Variants in TAF2 observed in about 807,000 individuals in gnomAD.
TAF2 encodes transcription initiation factor TFIID subunit 2.
A neutral mutation model predicts 138.5 loss-of-function variants in TAF2; 61 were observed. The observed-to-expected ratio is 0.44, with a 90% CI of 0.36 to 0.54. The LOEUF is 0.54. Ranked by LOEUF, TAF2 falls within the 20% of genes least tolerant of loss-of-function variation. The probability of loss-of-function intolerance (pLI) is 0.00; values close to 1 mark genes in which losing one functional copy is unlikely to be tolerated. For missense variants in TAF2, 1,090 were observed against 1,427.9 expected (o/e 0.76, Z 3.81); for synonymous variants, 475 against 469.9 (o/e 1.01, Z -0.14).
At chr8:119,801,724 T>C (rs934325192) in intron 6 of TAF2, 70 bp downstream of exon 6, 1 of 1,488,922 alleles carries the variant, frequency 6.7e-7, no homozygotes, top group African/African-American at 1.4e-5. Flanking sequence ...CACCGTGCCT[T>C]GCCAATATCT....
In TAF2 at chr8:119,801,974, T is replaced by C. The variant is rs760060295; in HGVS notation, c.612A>G (p.Leu204=). The C allele has an allele frequency of 6.2e-7, 1 of 1,614,166 alleles. No homozygotes were observed. The highest frequency in any genetic ancestry group is 8.5e-7 in the Non-Finnish European group (1 of 1,180,022). The change falls in exon 6 of 26, where the codon TTA becomes TTG. Residue 204 remains leucine, a synonymous_variant. Transcript: ENST00000378164. ...DSYSELCTWK[L]EFTVDAAMVA... ...CCATTGCAGCATCTACTGTAAATTCTAATTTCCATGTACACAATTCAGAGT... is the reference window on the plus strand; with the variant it reads ...CCATTGCAGCATCTACTGTAAATTCCAATTTCCATGTACACAATTCAGAGT...
chr8:119,811,805 C>CAAAAAAAAAAA (rs771523182), intron 3 of TAF2, among the ~76,000 whole-genome samples: 1 of 60,334 alleles, frequency 1.7e-5, no homozygotes, highest in Admixed American at 1.9e-4. Flanking sequence ...GACTCCGTCT[C>CAAAAAAAAAAA]AAAAAAAAAA....
At position 119,758,104 on chromosome 8, in the gene TAF2, T is replaced by C. The variant is rs373917557; in HGVS notation, c.2737A>G (p.Met913Val). Reference protein sequence around the residue: ...SYEELQWLLNMIQNDPVPYVR... With the variant: ...SYEELQWLLNVIQNDPVPYVR... ...TAGGGTACAGGGTCATTCTGAATCA[T>C]ATTAAGTAGCCATTGCAGTTCTTCA... The change falls in exon 21 of 26, where the codon ATG becomes GTG. Residue 913 changes from methionine to valine, a missense_variant. Met to Val is a conservative substitution (Grantham distance 21). Transcript: ENST00000378164. 6.4e-5 allele frequency: 104 copies of C among 1,613,242 alleles called. No individual in the cohort carries two copies. Among genetic ancestry groups the C allele is most frequent in the Middle Eastern group, 3.3e-4 (2 of 6,080 alleles).
Position 119,800,087 on chromosome 8 carries a change from G to A in TAF2, c.792+1707C>T, listed in dbSNP as rs561744837. Among the ~76,000 whole-genome samples, 46 of 152,234 alleles carry A rather than the reference G, an allele frequency of 3.0e-4. No homozygotes were observed. In the South Asian group the frequency reaches 9.5e-3, roughly 32 times the overall value. ...AGATTGCAAAAATTTTTCCAATTCT[G>A]TAGGTTGCCTGTTCACTCTGATGGT... On this transcript the variant is annotated intron_variant, in intron 6 of 25. Transcript: ENST00000378164.
rs1823590206 is a variant in TAF2 at position 119,793,486 on chromosome 8, T to C, written c.1192-35A>G. ...ATATAAAAATAGGAGTCAGTAAAAT[T>C]TGTAAAGTAACATTTTTTTACATAC... On this transcript the variant is annotated intron_variant, in intron 9 of 25. Coordinates refer to ENST00000378164, the MANE Select transcript of TAF2 (RefSeq NM_003184.4). 7 of 1,525,692 alleles carry C rather than the reference T, an allele frequency of 4.6e-6. No homozygotes were observed. In the East Asian group the frequency reaches 1.1e-4, roughly 25 times the overall value. 94.5% of individuals were successfully genotyped at this position (1,525,692 alleles called of 1,614,324 possible). A position where few individuals can be genotyped will look rare whatever the true frequency, so the allele number is the denominator to read the frequency against.
chr8:119,816,036 T>C (rs1181380907), intron 3 of TAF2, among the ~76,000 whole-genome samples: 1 of 151,366 alleles, frequency 6.6e-6, no homozygotes, highest in Non-Finnish European at 1.5e-5. Context: ...TCAACCACTG[T>C]AAGCACACTC....
At chr8:119,808,543 G>A (rs1433193994) in intron 3 of TAF2, among the ~76,000 whole-genome samples, 1 of 152,152 alleles carries the variant, frequency 6.6e-6, no homozygotes, top group Admixed American at 6.6e-5. Context: ...ATCCAGAATG[G>A]TGAATCCTTT....
At chr8:119,752,118 T>C (rs1414600656) in intron 22 of TAF2, among the ~76,000 whole-genome samples, 1 of 152,112 alleles carries the variant, frequency 6.6e-6, no homozygotes, top group Non-Finnish European at 1.5e-5. Flanking sequence ...AAGTAAATGG[T>C]AAAATTTTAA....
chr8:119,820,954 T>C (rs1825770951), intron 2 of TAF2, among the ~76,000 whole-genome samples: 1 of 152,228 alleles, frequency 6.6e-6, no homozygotes, highest in African/African-American at 2.4e-5. Context: ...CCAATGACCA[T>C]TCTAAATTTA....
chr8:119,786,659 C>G (rs558004681), intron 14 of TAF2, among the ~76,000 whole-genome samples: 4 of 152,274 alleles, frequency 2.6e-5, no homozygotes, highest in African/African-American at 9.6e-5. Context: ...TGGTAGCTCA[C>G]GCCTGTAATC....
intron 19 of TAF2, among the ~76,000 whole-genome samples, chr8:119,761,451 T>G (rs1002553567): frequency 2.6e-5 from 4 of 152,214 alleles, no homozygotes; most frequent in Admixed American, 1.3e-4. Flanking sequence ...CATATAAGTA[T>G]AATAAATTTT....
chr8:119,800,899 A>G (rs1215524947), intron 6 of TAF2, among the ~76,000 whole-genome samples: 2 of 152,216 alleles, frequency 1.3e-5, no homozygotes, highest in African/African-American at 2.4e-5. Flanking sequence ...AGACGAAAAA[A>G]GAGAGTTAAC....
At chr8:119,774,007 T>C (rs1233393820) in intron 18 of TAF2, among the ~76,000 whole-genome samples, 1 of 151,306 alleles carries the variant, frequency 6.6e-6, no homozygotes, top group African/African-American at 2.4e-5. Flanking sequence ...CTGTCTCTAC[T>C]AAAAATACAA....
chr8:119,791,397 C>A lies in TAF2; in HGVS notation c.1340G>T (p.Ser447Ile), dbSNP rs9297605. 1 of 1,612,882 alleles carries A rather than the reference C, an allele frequency of 6.2e-7. No individual in the cohort carries two copies. Among genetic ancestry groups the A allele is most frequent in the Non-Finnish European group, 8.5e-7 (1 of 1,179,452 alleles). ...AAGGTGGGCTTTACACTGAAACATA[C>A]TGTAGTATTCCCAGGACAGTGTATG... ...HPHTLSWEYY[S>I]MFQCKAHLVM... The change falls in exon 11 of 26, where the codon AGT becomes ATT. Residue 447 changes from serine (S) to isoleucine (I), a missense_variant. Ser to Ile is a moderately radical substitution (Grantham distance 142). Around this residue, in one of 3 missense-constraint regions of TAF2, gnomAD observed 504 missense variants for 680.9 expected, o/e 0.74. Coordinates refer to ENST00000378164, the MANE Select transcript of TAF2 (RefSeq NM_003184.4).
chr8:119,827,933 T>G (rs747344194), intron 2 of TAF2, among the ~76,000 whole-genome samples: 1 of 151,990 alleles, frequency 6.6e-6, no homozygotes, highest in Non-Finnish European at 1.5e-5. Flanking sequence ...TTAGTAGAGA[T>G]AGGGTTTCAC....
At position 119,762,596 on chromosome 8, in the gene TAF2, A is replaced by G. The variant is rs1821142453; in HGVS notation, c.2377T>C (p.Tyr793His). ...GCATCAATCATTTCTGCACGATAAT[A>G]GTTATCTGAAAACTAGGCCAAAGAA... ...DNRKNKFSDN[Y>H]YRAEMIDALA... The change falls in exon 19 of 26, where the codon TAT becomes CAT. Residue 793 changes from tyrosine (Y) to histidine (H), a missense_variant. Coordinates refer to ENST00000378164, the MANE Select transcript of TAF2 (RefSeq NM_003184.4). 3.1e-6 allele frequency: 5 copies of G among 1,612,340 alleles called. No homozygotes were observed. Among genetic ancestry groups the G allele is most frequent in the African/African-American group, 2.7e-5 (2 of 74,914 alleles).
At chr8:119,822,626 A>G (rs1218232959) in intron 2 of TAF2, among the ~76,000 whole-genome samples, 2 of 152,220 alleles carry the variant, frequency 1.3e-5, no homozygotes, top group African/African-American at 4.8e-5. Flanking sequence ...CCTTGACCTC[A>G]GTTCCTACAA....
In TAF2 at chr8:119,767,120, T is replaced by C. The variant is rs1586367534; in HGVS notation, c.2365-4512A>G. On this transcript the variant is annotated intron_variant, in intron 18 of 25. Coordinates refer to ENST00000378164, the MANE Select transcript of TAF2 (RefSeq NM_003184.4). ...TACCTTCCAATCTCATCAATTCTTA[T>C]AATGTGATTGATATAACTTTGTGGA... The C allele has an allele frequency of 2.0e-5, 3 of 152,198 alleles. No homozygotes were observed. In the South Asian group the frequency reaches 6.2e-4, roughly 32 times the overall value. 9.4% of individuals were successfully genotyped at this position (152,198 alleles called of 1,614,324 possible).
chr8:119,743,654 T>A (rs1487576427), intron 24 of TAF2, among the ~76,000 whole-genome samples: 1 of 152,134 alleles, frequency 6.6e-6, no homozygotes, highest in Non-Finnish European at 1.5e-5. Flanking sequence ...GACATGTATC[T>A]CACAATATAG....
Sources: allele counts gnomAD v4.1 joint callset (sites outside exome capture counted in the v4.1 genomes callset), GRCh38; gene constraint gnomAD v4.1.1; regional missense constraint gnomAD v4.1.1; transcripts MANE v1.5; gene names NCBI Gene and HGNC (gene_info 2026-07-23, HGNC 2026-07-21).